EPS8: variants seen among roughly 807,000 people sequenced by gnomAD.
EPS8 encodes epidermal growth factor receptor kinase substrate 8.
In EPS8, 42 loss-of-function variants were observed where a neutral mutation model predicts 103.8. That is an observed-to-expected ratio of 0.40 (90% CI 0.32 to 0.52). EPS8 has a LOEUF of 0.52. Ranked by LOEUF, EPS8 falls within the 20% of genes least tolerant of loss-of-function variation. The pLI is 0.40. For synonymous variants in EPS8, 344 were observed against 344.6 expected (o/e 1.00, Z 0.02); for missense variants, 969 against 1,005.1 (o/e 0.96, Z 0.49).
intron 12 of EPS8, among the ~76,000 whole-genome samples, chr12:15,657,084 C>T (rs182259218): frequency 1.3e-5 from 2 of 152,220 alleles, no homozygotes; most frequent in Non-Finnish European, 1.5e-5. Flanking sequence ...TCTCCCAATC[C>T]CTTATAAAGA....
At chr12:15,629,518 T>C (rs79620398) in intron 18 of EPS8, among the ~76,000 whole-genome samples, 4,585 of 152,350 alleles carry the variant, frequency 0.03, 221 homozygotes, top group African/African-American at 0.1. Context: ...ACTATGTCTT[T>C]AGTGTATTTG....
chr12:15,733,349 A>G lies in EPS8; in HGVS notation c.-21-50377T>C, dbSNP rs1946737368. 6.6e-6 allele frequency among the ~76,000 whole-genome samples: 1 copy of G among 152,052 alleles called. No homozygotes were observed. The highest frequency in any genetic ancestry group is 1.5e-5 in the Non-Finnish European group (1 of 68,016). On this transcript the variant is annotated intron_variant, in intron 1 of 20. Coordinates refer to ENST00000281172, the MANE Select transcript of EPS8 (RefSeq NM_004447.6). This position sits in a 1 kb window ranked among gnomAD's most constrained non-coding sequence, Gnocchi z 4.8. Reference sequence around the variant, plus strand: ...AAACCATCAGATCTCATGAGAACTCACTCTCTATCGTGAGAACAGCATGGG... The same window carrying G: ...AAACCATCAGATCTCATGAGAACTCGCTCTCTATCGTGAGAACAGCATGGG...
Position 15,735,456 on chromosome 12 carries a change from A to G in EPS8, c.-21-52484T>C, listed in dbSNP as rs921885584. Among the ~76,000 whole-genome samples, 1 of 152,224 alleles carries G rather than the reference A, an allele frequency of 6.6e-6. No individual in the cohort carries two copies. The highest frequency in any genetic ancestry group is 1.5e-5 in the Non-Finnish European group (1 of 68,046). ...TTATGGCGCATCCCACGTTAATGCT[A>G]CTTGACTTAATCCTTACAGTAACCC... On this transcript the variant is annotated intron_variant, in intron 1 of 20. Coordinates refer to ENST00000281172, the MANE Select transcript of EPS8 (RefSeq NM_004447.6). This position sits in a 1 kb window ranked among gnomAD's most constrained non-coding sequence, Gnocchi z 4.4.
At position 15,696,704 on chromosome 12, in the gene EPS8, A is replaced by G. The variant is rs573567532; in HGVS notation, c.-21-13732T>C. On this transcript the variant is annotated intron_variant, in intron 1 of 20. Coordinates refer to ENST00000281172, the MANE Select transcript of EPS8 (RefSeq NM_004447.6). This position sits in a 1 kb window ranked among gnomAD's most constrained non-coding sequence, Gnocchi z 4.8. ...GTCAGAGAAAAACACCTGAACTACT[A>G]TTCCACTTGGGAAGAAATGGGACTT... is the stretch of plus-strand genomic sequence containing the variant. 2.6e-5 allele frequency among the ~76,000 whole-genome samples: 4 copies of G among 152,244 alleles called. No individual in the cohort carries two copies. Among genetic ancestry groups the G allele is most frequent in the African/African-American group, 9.6e-5 (4 of 41,564 alleles).
chr12:15,672,614 T>A, intron 3 of EPS8: 10 of 388,170 alleles, frequency 2.6e-5, no homozygotes, highest in Non-Finnish European at 3.2e-5. Context: ...TACATATTTT[T>A]AAAAAGTGAG....
At chr12:15,636,441 G>A (rs1463441477) in intron 17 of EPS8, among the ~76,000 whole-genome samples, 2 of 152,162 alleles carry the variant, frequency 1.3e-5, no homozygotes, top group Non-Finnish European at 2.9e-5. Flanking sequence ...TCTTTACAGA[G>A]CTGTTAAAAA....
At chr12:15,644,375 C>T (rs1364865379) in intron 15 of EPS8, among the ~76,000 whole-genome samples, 2 of 152,134 alleles carry the variant, frequency 1.3e-5, no homozygotes, top group Non-Finnish European at 2.9e-5. Flanking sequence ...ATTCATGTGC[C>T]ACTTTTTTTT....
intron 16 of EPS8, 64 bp from the exon 17 acceptor site, chr12:15,640,910 C>T: frequency 6.6e-7 from 1 of 1,507,302 alleles, no homozygotes; most frequent in South Asian, 1.2e-5. Flanking sequence ...AAAGAAGTTC[C>T]CTAGACTTCA....
In EPS8 at chr12:15,657,100, A is replaced by G. The variant is rs143198105; in HGVS notation, c.1101+979T>C. On this transcript the variant is annotated intron_variant, in intron 12 of 20. Coordinates refer to ENST00000281172, the MANE Select transcript of EPS8 (RefSeq NM_004447.6). ...CTCCCAATCCCTTATAAAGACCAAC[A>G]GGATGTGTCTTCCTGTTACCCTGCT... Among the ~76,000 whole-genome samples, 238 of 152,308 alleles carry G rather than the reference A, an allele frequency of 1.6e-3. 3 individuals carry two copies. Among genetic ancestry groups the G allele is most frequent in the African/African-American group, 5.4e-3 (223 of 41,576 alleles).
rs1946791820 is a variant in EPS8 at position 15,738,840 on chromosome 12, C to T, written c.-22+50321G>A. 6.6e-6 allele frequency among the ~76,000 whole-genome samples: 1 copy of T among 152,108 alleles called. No homozygotes were observed. Among genetic ancestry groups the T allele is most frequent in the South Asian group, 2.1e-4 (1 of 4,826 alleles). Reference sequence around the variant, plus strand: ...CACTTACAAGCATACACCTTCACTCCAAGGACCTCAGATTAAATCATTAAG... The same window carrying T: ...CACTTACAAGCATACACCTTCACTCTAAGGACCTCAGATTAAATCATTAAG... On this transcript the variant is annotated intron_variant, in intron 1 of 20. Coordinates refer to ENST00000281172, the MANE Select transcript of EPS8 (RefSeq NM_004447.6). This position sits in a 1 kb window ranked among gnomAD's most constrained non-coding sequence, Gnocchi z 6.2.
At position 15,688,819 on chromosome 12, in the gene EPS8, T is replaced by C. The variant is rs1946132390; in HGVS notation, c.-21-5847A>G. On this transcript the variant is annotated intron_variant, in intron 1 of 20. Transcript: ENST00000281172. The surrounding 1 kb of genome is among the most constrained non-coding windows in gnomAD (Gnocchi z 5.1). ...TACAGAAAACCCCCTGTCCTTGCAA[T>C]AAGGTAGAGGATCTAATTGAGCTGG... is the stretch of plus-strand genomic sequence containing the variant. Among the ~76,000 whole-genome samples, 1 of 152,114 alleles carries C rather than the reference T, an allele frequency of 6.6e-6. No individual in the cohort carries two copies. The highest frequency in any genetic ancestry group is 2.4e-5 in the African/African-American group (1 of 41,410).
intron 1 of EPS8, among the ~76,000 whole-genome samples, chr12:15,687,341 T>C (rs1163665143): frequency 6.6e-6 from 1 of 152,120 alleles, no homozygotes; most frequent in East Asian, 1.9e-4. Context: ...GTAACAATAA[T>C]GTGGTTAATG....
chr12:15,740,629 C>T (rs1258771947), intron 1 of EPS8, among the ~76,000 whole-genome samples: 2 of 151,470 alleles, frequency 1.3e-5, no homozygotes, highest in Admixed American at 6.6e-5. Flanking sequence ...AAAGCTGCTG[C>T]TAGAACATAT....
At position 15,777,176 on chromosome 12, in the gene EPS8, T is replaced by C. The variant is rs139913439; in HGVS notation, c.-22+11985A>G. ...CTTTACAATGCCATGGAGTAGCCTA[T>C]ATAAATTTTTTTTTTACATTATATA... On this transcript the variant is annotated intron_variant, in intron 1 of 20. Coordinates refer to ENST00000281172, the MANE Select transcript of EPS8 (RefSeq NM_004447.6). This position sits in a 1 kb window ranked among gnomAD's most constrained non-coding sequence, Gnocchi z 4.7. Among the ~76,000 whole-genome samples the C allele has an allele frequency of 4.0e-3, 602 of 152,128 alleles. 6 individuals carry two copies. Among genetic ancestry groups the C allele is most frequent in the Middle Eastern group, 0.031 (9 of 294 alleles).
chr12:15,627,150 C>A (rs1210519392), intron 18 of EPS8, among the ~76,000 whole-genome samples: 1 of 152,094 alleles, frequency 6.6e-6, no homozygotes, highest in Non-Finnish European at 1.5e-5. Context: ...TAGGCGTGTG[C>A]CACCATGCCC....
Position 15,778,578 on chromosome 12 carries a change from C to G in EPS8, c.-22+10583G>C, listed in dbSNP as rs1386247863. Among the ~76,000 whole-genome samples, 1 of 152,148 alleles carries G rather than the reference C, an allele frequency of 6.6e-6. No individual in the cohort carries two copies. The highest frequency in any genetic ancestry group is 2.4e-5 in the African/African-American group (1 of 41,440). ...CTGAGAATACAGATAAACACTAAAA[C>G]AGTAAGGACAACTCAATCTGAAGAT... is the stretch of plus-strand genomic sequence containing the variant. On this transcript the variant is annotated intron_variant, in intron 1 of 20. Coordinates refer to ENST00000281172, the MANE Select transcript of EPS8 (RefSeq NM_004447.6). The surrounding 1 kb of genome is among the most constrained non-coding windows in gnomAD (Gnocchi z 4.5).
intron 18 of EPS8, among the ~76,000 whole-genome samples, chr12:15,629,678 G>C (rs1046036593): frequency 2.0e-5 from 3 of 152,082 alleles, no homozygotes; most frequent in African/African-American, 7.2e-5. Flanking sequence ...TTTTCCTTTA[G>C]TTTCCTGGCA....
Position 15,631,480 on chromosome 12 carries a change from A to G in EPS8, c.2006T>C (p.Val669Ala). 2 of 1,614,042 alleles carry G rather than the reference A, an allele frequency of 1.2e-6. No individual in the cohort carries two copies. The highest frequency in any genetic ancestry group is 1.3e-5 in the African/African-American group (1 of 75,006). Reference protein sequence around the residue: ...SSSSDSGGSIVRDSQRHKQLP... With the variant: ...SSSSDSGGSIARDSQRHKQLP... ...TTGTTTGTGTCTCTGGCTGTCTCGC[A>G]CGATACTGCCACCACTGTCACTGGA... is the stretch of plus-strand genomic sequence containing the variant. Residue 669 changes from valine to alanine, a missense_variant, in exon 18 of 21, where the codon GTG becomes GCG. Transcript: ENST00000281172.
intron 1 of EPS8, among the ~76,000 whole-genome samples, chr12:15,756,814 A>T (rs998816808): frequency 1.3e-5 from 2 of 152,194 alleles, no homozygotes; most frequent in African/African-American, 4.8e-5. Context: ...TCAAACCCCT[A>T]AACTACAGGA....
Sources: allele counts gnomAD v4.1 joint callset (sites outside exome capture counted in the v4.1 genomes callset), GRCh38; gene constraint gnomAD v4.1.1; non-coding constraint Gnocchi (gnomAD v3.1); transcripts MANE v1.5; gene names NCBI Gene and HGNC (gene_info 2026-07-23, HGNC 2026-07-21).